AR: variants seen among roughly 807,000 people sequenced by gnomAD.
AR encodes androgen receptor, also known as dihydrotestosterone receptor.
AR carries 8 observed loss-of-function variants against 53.9 expected under a neutral mutation model. The ratio of observed to expected loss-of-function variants is 0.15; its 90% CI spans 0.09 to 0.27. The LOEUF (loss-of-function observed/expected upper bound fraction) is 0.27, where lower values mean the gene tolerates loss of function less well. Ranked by LOEUF, AR falls within the 10% of genes least tolerant of loss-of-function variation. The pLI, the probability that AR is intolerant of heterozygous loss-of-function variation, is 1.00. For synonymous variants in AR, 359 were observed against 316.4 expected (o/e 1.13, Z -1.43); for missense variants, 639 against 742.5 (o/e 0.86, Z 1.62).
At chrX:67,709,819 A>G (rs1840016126) in intron 3 of AR, among the ~76,000 whole-genome samples, 1 of 112,225 alleles carries the variant, frequency 8.9e-6, no homozygotes, top group South Asian at 3.7e-4. Flanking sequence ...TGTGTATTCA[A>G]TGGGAAATGG....
intron 1 of AR, among the ~76,000 whole-genome samples, chrX:67,629,951 A>G: frequency 9.0e-6 from 1 of 111,429 alleles, no homozygotes; most frequent in Middle Eastern, 4.6e-3. Flanking sequence ...AGCGGTTTTG[A>G]GTGAGATTCT....
At chrX:67,709,079 C>T (rs2076081936) in intron 3 of AR, among the ~76,000 whole-genome samples, 3 of 112,171 alleles carry the variant, frequency 2.7e-5, no homozygotes, top group South Asian at 3.8e-4. Flanking sequence ...TTAGGCTACT[C>T]GGGGGTCAGG....
rs1031938966 is a variant in AR, at chrX:67,545,527, C to G, written c.381C>G (p.Pro127=). ...SQPQSALECH[P]ERGCVPEPGA... is the part of the protein sequence containing the mutation. ...CGCAGTCGGCCCTGGAGTGCCACCCCGAGAGAGGTTGCGTCCCAGAGCCTG... is the reference window on the plus strand; with the variant it reads ...CGCAGTCGGCCCTGGAGTGCCACCCGGAGAGAGGTTGCGTCCCAGAGCCTG... The change falls in exon 1 of 8, where the codon CCC becomes CCG. Residue 127 remains proline (P), a synonymous_variant. Coordinates refer to ENST00000374690, the MANE Select transcript of AR (RefSeq NM_000044.6). 5.9e-6 allele frequency: 7 copies of G among 1,185,260 alleles called. No individual in the cohort carries two copies. In the African/African-American group the frequency reaches 7.1e-5, roughly 12 times the overall value.
chrX:67,565,351 C>G lies in AR; in HGVS notation c.1616+18589C>G, dbSNP rs150988300. On this transcript the variant is annotated intron_variant, in intron 1 of 7. Coordinates refer to ENST00000374690, the MANE Select transcript of AR (RefSeq NM_000044.6). ...TTGAGCTGGCAGGAGACCTAGTTCT[C>G]TTTTTTCCTTTCCCTCTTGCATTTT... Among the ~76,000 whole-genome samples the G allele has an allele frequency of 7.7e-3, 864 of 111,970 alleles. 3 individuals carry two copies. The highest frequency in any genetic ancestry group is 0.011 in the Non-Finnish European group (599 of 53,167).
At chrX:67,722,734 G>C (rs1002469596) in intron 6 of AR, 93 bp from the exon 7 acceptor site, 1 of 1,062,145 alleles carries the variant, frequency 9.4e-7, no homozygotes, top group Non-Finnish European at 1.3e-6. Flanking sequence ...GTGGGGGTGG[G>C]GGTCAAGTCT....
intron 3 of AR, among the ~76,000 whole-genome samples, chrX:67,687,418 C>T (rs141946891): frequency 2.7e-5 from 3 of 112,207 alleles, no homozygotes; most frequent in East Asian, 2.8e-4. Flanking sequence ...TCTCAAGTAG[C>T]GTCCAGTACT....
chrX:67,589,796 T>C (rs1360866209), intron 1 of AR, among the ~76,000 whole-genome samples: 1 of 111,680 alleles, frequency 9.0e-6, no homozygotes, highest in Non-Finnish European at 1.9e-5. Context: ...TCTCCCTTGC[T>C]TACACAGCCA....
chrX:67,546,192 A>G lies in AR; in HGVS notation c.1046A>G (p.Lys349Arg). The G allele has an allele frequency of 8.3e-7, 1 of 1,211,826 alleles. No homozygotes were observed. Among genetic ancestry groups the G allele is most frequent in the Non-Finnish European group, 1.1e-6 (1 of 895,462 alleles). ...CTGCCGTCTACCCTGTCTCTCTACA[A>G]GTCCGGAGCACTGGACGAGGCAGCT... Reference protein sequence around the residue: ...LELPSTLSLYKSGALDEAAAY... With the variant: ...LELPSTLSLYRSGALDEAAAY... Residue 349 changes from lysine to arginine, a missense_variant, in exon 1 of 8, where the codon AAG (lysine) becomes AGG (arginine). By Grantham distance (26) the Lys-to-Arg change is conservative (BLOSUM62 2). This residue lies in a region of AR where 423 missense variants were observed against 377.0 expected (regional missense o/e 1.12). Transcript: ENST00000374690.
At chrX:67,621,034 A>T (rs1423512990) in intron 1 of AR, among the ~76,000 whole-genome samples, 1 of 112,127 alleles carries the variant, frequency 8.9e-6, no homozygotes, top group Non-Finnish European at 1.9e-5. Context: ...GATGGTTGTT[A>T]TATAGATTTT....
intron 3 of AR, among the ~76,000 whole-genome samples, chrX:67,698,913 A>C (rs1223610356): frequency 9.0e-6 from 1 of 111,692 alleles, no homozygotes; most frequent in Non-Finnish European, 1.9e-5. Context: ...GCATCCTCTC[A>C]TTTAGTTCTC....
intron 1 of AR, among the ~76,000 whole-genome samples, chrX:67,591,376 G>C (rs1399443262): frequency 9.0e-6 from 1 of 111,509 alleles, no homozygotes; most frequent in Admixed American, 9.5e-5. Flanking sequence ...AAGGAGTTTA[G>C]AGGTAACATG....
At chrX:67,568,352 G>A (rs757862221) in intron 1 of AR, among the ~76,000 whole-genome samples, 15 of 111,689 alleles carry the variant, frequency 1.3e-4, no homozygotes, top group African/African-American at 4.9e-4. Flanking sequence ...GTTCCCTTTC[G>A]TATGGACTGG....
At chrX:67,639,427 A>G (rs1025871416) in intron 1 of AR, among the ~76,000 whole-genome samples, 1 of 112,156 alleles carries the variant, frequency 8.9e-6, no homozygotes, top group Non-Finnish European at 1.9e-5. Context: ...CATTTTCATG[A>G]TAATGATTCT....
intron 3 of AR, among the ~76,000 whole-genome samples, chrX:67,687,557 G>A (rs184381733): frequency 2.0e-4 from 22 of 111,871 alleles, no homozygotes; most frequent in Non-Finnish European, 3.2e-4. Flanking sequence ...TCCAACAATT[G>A]AGGTCTACAG....
intron 2 of AR, among the ~76,000 whole-genome samples, chrX:67,665,835 A>G (rs920944805): frequency 8.9e-6 from 1 of 111,853 alleles, no homozygotes; most frequent in African/African-American, 3.3e-5. Context: ...GACTCACACC[A>G]TGGAATATAT....
chrX:67,557,351 G>A (rs918036216), intron 1 of AR, among the ~76,000 whole-genome samples: 133 of 111,969 alleles, frequency 1.2e-3, no homozygotes, highest in African/African-American at 4.1e-3. Flanking sequence ...TTTGGTCTGA[G>A]TAACTGGAAA....
At chrX:67,587,132 G>A (rs574414955) in intron 1 of AR, among the ~76,000 whole-genome samples, 39 of 112,220 alleles carry the variant, frequency 3.5e-4, no homozygotes, top group Middle Eastern at 9.3e-3. Context: ...CATACAGCTA[G>A]GAAGTGGGAG....
At chrX:67,597,427 C>G (rs1443201348) in intron 1 of AR, among the ~76,000 whole-genome samples, 1 of 111,771 alleles carries the variant, frequency 8.9e-6, no homozygotes, top group Non-Finnish European at 1.9e-5. Flanking sequence ...TTTTCACTCT[C>G]TGGGAGCATA....
At chrX:67,691,665 T>G (rs2075996298) in intron 3 of AR, among the ~76,000 whole-genome samples, 1 of 112,073 alleles carries the variant, frequency 8.9e-6, no homozygotes, top group Non-Finnish European at 1.9e-5. Context: ...TACCTATACC[T>G]CTAGCTCAGG....
Sources: allele counts gnomAD v4.1 joint callset (sites outside exome capture counted in the v4.1 genomes callset), GRCh38; gene constraint gnomAD v4.1.1; regional missense constraint gnomAD v4.1.1; transcripts MANE v1.5; gene names NCBI Gene and HGNC (gene_info 2026-07-23, HGNC 2026-07-21).